ZNF273: variants seen among roughly 807,000 people sequenced by gnomAD.
ZNF273 encodes zinc finger protein 273.
Under a neutral mutation model 14.9 loss-of-function variants are expected in ZNF273, and 11 were observed. The ratio of observed to expected loss-of-function variants is 0.74; its 90% CI spans 0.46 to 1.22. ZNF273 has a LOEUF of 1.22. ZNF273 is among the 50% of genes most tolerant of loss of function. The pLI is 0.00. For synonymous variants in ZNF273, 199 were observed against 223.9 expected (o/e 0.89, Z 0.99); for missense variants, 577 against 660.6 (o/e 0.87, Z 1.39).
At chr7:64,886,220 C>G (rs1791569048) in intron 1 of ZNF273, among the ~76,000 whole-genome samples, 1 of 152,192 alleles carries the variant, frequency 6.6e-6, no homozygotes, top group Admixed American at 6.5e-5. Flanking sequence ...CTGAAGAGGC[C>G]TCCTTTACTC....
chr7:64,921,605 CTTTTTTTTTTTTTTTTTT>C (rs752363426), intron 3 of ZNF273, among the ~76,000 whole-genome samples: 22 of 57,974 alleles, frequency 3.8e-4, no homozygotes, highest in African/African-American at 1.5e-3. Flanking sequence ...CATGCTAATG[CTTTTTTTTTTTTTTTTTT>C]TTTTTTTTTT....
rs764516784 is a variant in ZNF273 at position 64,928,505 on chromosome 7, AAG to A, written c.1179_1180del (p.Lys393AsnfsTer12). On this transcript the variant is annotated frameshift_variant, in exon 4 of 4. Transcript: ENST00000476120. LOFTEE classifies it high-confidence loss of function. ...FNQSSTLTRH[K>X]IVHTGEKPYK... ...CCAGTCCTCAACCCTTACTAGACAT[AAG>A]ATAGTTCATACTGGAGAGAAACCCT... 3 of 1,613,950 alleles carry A rather than the reference AAG, an allele frequency of 1.9e-6. No individual in the cohort carries two copies. The East Asian group carries it at 6.7e-5, about 36-fold the overall frequency.
intron 1 of ZNF273, among the ~76,000 whole-genome samples, chr7:64,909,629 A>AT (rs1268842347): frequency 6.6e-6 from 1 of 152,120 alleles, no homozygotes; most frequent in African/African-American, 2.4e-5. Flanking sequence ...ATGAACATGC[A>AT]TTTGCATGTG....
downstream of ZNF273, among the ~76,000 whole-genome samples, chr7:64,894,370 T>C (rs1415702995): frequency 6.6e-6 from 1 of 152,224 alleles, no homozygotes; most frequent in African/African-American, 2.4e-5. Flanking sequence ...TGAACTTTTG[T>C]ATGTTAAATA....
intron 1 of ZNF273, among the ~76,000 whole-genome samples, chr7:64,887,542 G>A (rs1190308184): frequency 2.0e-5 from 3 of 152,214 alleles, no homozygotes. Flanking sequence ...CTGTTGCACA[G>A]GCTGGAGTGC....
downstream of ZNF273, among the ~76,000 whole-genome samples, chr7:64,881,084 A>G (rs901523434): frequency 3.3e-5 from 5 of 152,202 alleles, no homozygotes; most frequent in Non-Finnish European, 7.3e-5. Flanking sequence ...CCACCCCCGC[A>G]TTCCCTTCGT....
upstream of ZNF273, among the ~76,000 whole-genome samples, chr7:64,901,045 C>T (rs1667078336): frequency 6.6e-6 from 1 of 151,802 alleles, no homozygotes; most frequent in Non-Finnish European, 1.5e-5. Context: ...CTCTATCTCC[C>T]AGGCTGGAGT....
exon 2 of ZNF273, chr7:64,888,610 C>A: frequency 1.0e-6 from 1 of 985,900 alleles, no homozygotes; most frequent in Non-Finnish European, 1.2e-6. Flanking sequence ...CCTTCTCCAC[C>A]ACCCAGCAGG....
At chr7:64,889,832 GTCAGTTGCC>G (rs1791863616), downstream of ZNF273, 1 of 915,196 alleles carries the variant, frequency 1.1e-6, no homozygotes, top group South Asian at 5.0e-5. The surrounding 1 kb of genome is among the most constrained non-coding windows in gnomAD (Gnocchi z 4.2). Context: ...ATTCGGGCAA[GTCAGTTGCC>G]TCAGTGTTTG....
chr7:64,936,181 A>G, the ZNF273 span, among the ~76,000 whole-genome samples: 1 of 152,230 alleles, frequency 6.6e-6, no homozygotes, highest in Non-Finnish European at 1.5e-5. Flanking sequence ...AAAATTGCAA[A>G]TCTGGTCTTT....
chr7:64,915,300 G>A (rs552121190), intron 1 of ZNF273, among the ~76,000 whole-genome samples: 1 of 151,252 alleles, frequency 6.6e-6, no homozygotes, highest in South Asian at 2.1e-4. Context: ...CTAACCCAGC[G>A]GCGCTAGAGG....
Position 64,928,974 on chromosome 7 carries a change from G to A in ZNF273, c.1646G>A (p.Ser549Asn). Residue 549 changes from serine to asparagine, a missense_variant, in exon 4 of 4, where the codon AGT (serine) becomes AAT (asparagine). Around this residue, in one of 3 missense-constraint regions of ZNF273, gnomAD observed 411 missense variants for 440.4 expected, o/e 0.93. Coordinates refer to ENST00000476120, the MANE Select transcript of ZNF273 (RefSeq NM_021148.3). ...CCATACAAACCTAAAAGATGTGACA[G>A]TGCTTTTGACAACACCCCAAACTTT... ...EKPYKPKRCDSAFDNTPNFSR... is the reference protein window; with the variant it reads ...EKPYKPKRCDNAFDNTPNFSR... The A allele has an allele frequency of 6.3e-7, 1 of 1,597,698 alleles. No individual in the cohort carries two copies. The highest frequency in any genetic ancestry group is 8.5e-7 in the Non-Finnish European group (1 of 1,173,244).
chr7:64,917,823 C>T (rs1794119466), intron 2 of ZNF273, 116 bp downstream of exon 2: 1 of 1,161,152 alleles, frequency 8.6e-7, no homozygotes. Context: ...CAACAAAATC[C>T]TGGGGATTTG....
chr7:64,919,876 T>C (rs1794301623), intron 3 of ZNF273, among the ~76,000 whole-genome samples: 1 of 152,194 alleles, frequency 6.6e-6, no homozygotes. Context: ...AACTTTTTAC[T>C]TATTTGTCCT....
chr7:64,897,020 C>T (rs1010516453), intron 3 of ZNF273, among the ~76,000 whole-genome samples: 1 of 152,080 alleles, frequency 6.6e-6, no homozygotes, highest in Non-Finnish European at 1.5e-5. Flanking sequence ...ACCTGGAGGA[C>T]ATTATGCTAA....
downstream of ZNF273, among the ~76,000 whole-genome samples, chr7:64,881,756 T>G (rs376977840): frequency 2.0e-5 from 3 of 152,200 alleles, no homozygotes; most frequent in Non-Finnish European, 4.4e-5. Flanking sequence ...TGGGGTTGTT[T>G]GAACTCTGCG....
intron 1 of ZNF273, chr7:64,917,232 C>T: frequency 1.6e-6 from 1 of 610,154 alleles, no homozygotes; most frequent in Non-Finnish European, 2.4e-6. Context: ...TTAAAGCTAG[C>T]TTGTAACACA....
chr7:64,921,927 C>G (rs1274691624), intron 3 of ZNF273, among the ~76,000 whole-genome samples: 1 of 152,026 alleles, frequency 6.6e-6, no homozygotes, highest in South Asian at 2.1e-4. Context: ...CCATGCCCAG[C>G]CACTAATACT....
intron 1 of ZNF273, among the ~76,000 whole-genome samples, chr7:64,886,886 A>G (rs1056019734): frequency 1.3e-5 from 2 of 152,214 alleles, no homozygotes; most frequent in African/African-American, 4.8e-5. Context: ...ATCATCACCA[A>G]TGTTGCCTCC....
Sources: allele counts gnomAD v4.1 joint callset (sites outside exome capture counted in the v4.1 genomes callset), GRCh38; gene constraint gnomAD v4.1.1; regional missense constraint gnomAD v4.1.1; non-coding constraint Gnocchi (gnomAD v3.1); transcripts MANE v1.5; gene names NCBI Gene and HGNC (gene_info 2026-07-23, HGNC 2026-07-21).